Variants in MYZAP observed in about 807,000 individuals in gnomAD.
MYZAP encodes myocardial zonula adherens protein.
In MYZAP, 66 loss-of-function variants were observed where a neutral mutation model predicts 69.4. The observed-to-expected ratio is 0.95, with a 90% CI of 0.78 to 1.17. The LOEUF is 1.17. Among genes scored for constraint, MYZAP ranks in the 50% most tolerant of loss-of-function variants. The probability of loss-of-function intolerance (pLI) is 0.00; values close to 1 mark genes in which losing one functional copy is unlikely to be tolerated. For missense variants in MYZAP, 611 were observed against 556.2 expected (o/e 1.10, Z -0.99); for synonymous variants, 256 against 205.9 (o/e 1.24, Z -2.09).
chr15:57,645,009 G>A (rs1300821452), intron 10 of MYZAP, among the ~76,000 whole-genome samples: 1 of 152,206 alleles, frequency 6.6e-6, no homozygotes, highest in African/African-American at 2.4e-5. Context: ...ATGTATGCAC[G>A]TGTCTGCCTC....
At chr15:57,593,979 C>T (rs768680817) in intron 1 of MYZAP, among the ~76,000 whole-genome samples, 1 of 152,138 alleles carries the variant, frequency 6.6e-6, no homozygotes, top group Non-Finnish European at 1.5e-5. Flanking sequence ...TGGGGTCCGC[C>T]CTACCTGTAG....
At chr15:57,621,456 C>T in intron 3 of MYZAP, 152 bp from the exon 4 acceptor site, 1 of 629,598 alleles carries the variant, frequency 1.6e-6, no homozygotes, top group Non-Finnish European at 2.4e-6. Context: ...TTGTGATCCG[C>T]CTGCCTCGGC....
intron 3 of MYZAP, 134 bp from the exon 4 acceptor site, chr15:57,621,474 A>G (rs1442785598): frequency 2.3e-6 from 2 of 871,608 alleles, no homozygotes; most frequent in Non-Finnish European, 3.3e-6. Flanking sequence ...GGCCTCCCAA[A>G]GTGCTGGGAT....
chr15:57,644,634 A>G (rs1473662256), intron 10 of MYZAP, among the ~76,000 whole-genome samples: 1 of 151,804 alleles, frequency 6.6e-6, no homozygotes, highest in Non-Finnish European at 1.5e-5. Flanking sequence ...TGTTATTATT[A>G]TTATTATTTT....
chr15:57,653,173 C>T (rs2037813018), intron 10 of MYZAP, among the ~76,000 whole-genome samples: 4 of 152,018 alleles, frequency 2.6e-5, no homozygotes. Flanking sequence ...TGTGCAAGTA[C>T]ACACAGCCCC....
chr15:57,676,332 A>G (rs774371809), intron 12 of MYZAP, among the ~76,000 whole-genome samples: 35 of 151,178 alleles, frequency 2.3e-4, no homozygotes, highest in South Asian at 1.7e-3. Context: ...GTCCTCAATT[A>G]CATTGCTTGC....
chr15:57,609,443 G>C (rs1440608916), intron 2 of MYZAP, among the ~76,000 whole-genome samples: 1 of 152,200 alleles, frequency 6.6e-6, no homozygotes, highest in Admixed American at 6.5e-5. Flanking sequence ...CCTTGTGGCA[G>C]CATCGCTCTG....
Position 57,605,252 on chromosome 15 carries a change from A to G in MYZAP, c.162+897A>G, listed in dbSNP as rs189974420. ...AAGAATGGAAGTAAACAAAATAATT[A>G]AGTACATTTTATAGAGGTTAGGAGG... On this transcript the variant is annotated intron_variant, in intron 2 of 12. Transcript: ENST00000267853. Among the ~76,000 whole-genome samples, 15 of 152,316 alleles carry G rather than the reference A, an allele frequency of 9.8e-5. No individual in the cohort carries two copies. In the East Asian group the frequency reaches 2.7e-3, roughly 27 times the overall value.
Position 57,622,649 on chromosome 15 carries a change from A to G in MYZAP, c.411+949A>G, listed in dbSNP as rs554686042. 7.2e-5 allele frequency among the ~76,000 whole-genome samples: 11 copies of G among 152,328 alleles called. No individual in the cohort carries two copies. In the East Asian group the frequency reaches 7.7e-4, roughly 11 times the overall value. On this transcript the variant is annotated intron_variant, in intron 4 of 12. Transcript: ENST00000267853. ...AAAAGGAAGGAAAATGGACTAGTCA[A>G]TATGTGCTATTGGGAAAACTTATGT...
chr15:57,661,921 T>C (rs1214722062), intron 11 of MYZAP, among the ~76,000 whole-genome samples: 1 of 152,196 alleles, frequency 6.6e-6, no homozygotes, highest in East Asian at 1.9e-4. Context: ...AAGATTATTA[T>C]CTCTGTATTA....
intron 1 of MYZAP, among the ~76,000 whole-genome samples, chr15:57,597,357 G>A (rs1339285462): frequency 1.3e-5 from 2 of 152,210 alleles, no homozygotes; most frequent in Non-Finnish European, 2.9e-5. Context: ...AAAAGCATGA[G>A]TATTTTTTAG....
At chr15:57,675,848 T>G (rs777362019) in intron 12 of MYZAP, among the ~76,000 whole-genome samples, 2 of 152,212 alleles carry the variant, frequency 1.3e-5, no homozygotes, top group African/African-American at 4.8e-5. Flanking sequence ...AAGATGCTAA[T>G]GACATGTGAC....
At chr15:57,678,775 C>T (rs1416813015) in intron 12 of MYZAP, among the ~76,000 whole-genome samples, 4 of 152,100 alleles carry the variant, frequency 2.6e-5, no homozygotes, top group African/African-American at 4.8e-5. Flanking sequence ...AATAGCATGG[C>T]CTCTCCTACT....
chr15:57,618,346 A>G (rs1430945868), intron 3 of MYZAP, among the ~76,000 whole-genome samples, 158 bp downstream of exon 3: 2 of 152,230 alleles, frequency 1.3e-5, no homozygotes, highest in Non-Finnish European at 2.9e-5. Context: ...CTTCATGGTA[A>G]TGTTAAAGTA....
At chr15:57,680,487 A>ACG (rs72098768) in intron 12 of MYZAP, among the ~76,000 whole-genome samples, 698 of 26,958 alleles carry the variant, frequency 0.026, 3 homozygotes, top group Non-Finnish European at 0.088. Flanking sequence ...TCAGGAGTTC[A>ACG]CACACACACA....
chr15:57,632,292 A>G, intron 6 of MYZAP, 142 bp from the exon 7 acceptor site: 1 of 1,350,980 alleles, frequency 7.4e-7, no homozygotes, highest in Non-Finnish European at 1.0e-6. Context: ...TTTCCCTGTT[A>G]GGTCTTGCTG....
intron 10 of MYZAP, among the ~76,000 whole-genome samples, chr15:57,641,871 A>G (rs1207813357): frequency 6.6e-6 from 1 of 152,212 alleles, no homozygotes; most frequent in African/African-American, 2.4e-5. Context: ...GAAGAGCAAG[A>G]CCAGGTTGGA....
At chr15:57,646,091 A>G in intron 10 of MYZAP, 1 of 1,210,150 alleles carries the variant, frequency 8.3e-7, no homozygotes. Context: ...AAGGAGCCAT[A>G]GCACCAAGCC....
chr15:57,670,933 T>C (rs1038496693), intron 11 of MYZAP, among the ~76,000 whole-genome samples: 10 of 152,112 alleles, frequency 6.6e-5, no homozygotes, highest in African/African-American at 2.4e-4. Flanking sequence ...ATGTATTGTA[T>C]CTATATACAT....
Sources: gnomAD v4.1 joint callset for allele counts (sites outside exome capture counted in the v4.1 genomes callset) on GRCh38, gnomAD v4.1.1 for gene constraint, MANE v1.5 for transcripts, NCBI Gene and HGNC (gene_info 2026-07-23, HGNC 2026-07-21) for gene names.